SLC2A2: variants seen among roughly 807,000 people sequenced by gnomAD.
SLC2A2 encodes the protein solute carrier family 2, facilitated glucose transporter member 2.
A neutral mutation model predicts 54.5 loss-of-function variants in SLC2A2; 36 were observed. That is an observed-to-expected ratio of 0.66 (90% confidence interval 0.51 to 0.87). The LOEUF is 0.87. SLC2A2 is among the 40% of genes least tolerant of loss of function. The pLI, the probability that SLC2A2 is intolerant of heterozygous loss-of-function variation, is 0.00. For missense variants in SLC2A2, 543 were observed against 624.3 expected (o/e 0.87, Z 1.39); for synonymous variants, 223 against 219.1 (o/e 1.02, Z -0.16).
chr3:171,000,735 T>A (rs1472380967), intron 8 of SLC2A2, among the ~76,000 whole-genome samples: 2 of 152,072 alleles, frequency 1.3e-5, no homozygotes, highest in African/African-American at 4.8e-5. Flanking sequence ...GTTGGGAAAG[T>A]CTCTCTTCCC....
At chr3:171,017,297 C>T (rs1490250778) in intron 2 of SLC2A2, among the ~76,000 whole-genome samples, 4 of 152,138 alleles carry the variant, frequency 2.6e-5, no homozygotes, top group African/African-American at 9.7e-5. Context: ...GTTGTCATCA[C>T]CCACACAAAA....
intron 3 of SLC2A2, among the ~76,000 whole-genome samples, chr3:171,013,255 A>G (rs190171631): frequency 1.2e-3 from 182 of 152,266 alleles, no homozygotes; most frequent in African/African-American, 4.4e-3. Context: ...AGAATTCTCC[A>G]TTTACTACTT....
rs556023421 is a variant in SLC2A2, at chr3:170,998,052, A to G, written c.1426T>C (p.Phe476Leu). ...ACTTTAAAAAATGTGAACAGGGTAA[A>G]GGCCAGGAGCACTCCAGCAAAGAGG... ...FFLFAGVLLA[F>L]TLFTFFKVPE... The change falls in exon 11 of 11, where the codon TTT (phenylalanine) becomes CTT (leucine). Residue 476 changes from phenylalanine to leucine, a missense_variant. Physicochemically the swap from Phe to Leu is conservative, Grantham distance 22. Transcript: ENST00000314251. The G allele has an allele frequency of 6.2e-7, 1 of 1,613,678 alleles. No individual in the cohort carries two copies. Among genetic ancestry groups the G allele is most frequent in the South Asian group, 1.1e-5 (1 of 91,082 alleles).
At chr3:171,008,860 A>G (rs1324977324) in intron 4 of SLC2A2, among the ~76,000 whole-genome samples, 1 of 152,074 alleles carries the variant, frequency 6.6e-6, no homozygotes, top group Admixed American at 6.6e-5. Flanking sequence ...AGCTACACTG[A>G]TCTTCAGTTA....
intron 3 of SLC2A2, among the ~76,000 whole-genome samples, chr3:171,011,196 T>G (rs1186705858): frequency 6.6e-6 from 1 of 152,156 alleles, no homozygotes; most frequent in Admixed American, 6.6e-5. Flanking sequence ...GCCTACAGCA[T>G]AATCCCCAGA....
chr3:171,014,437 T>G (rs751803113), intron 3 of SLC2A2, 32 bp downstream of exon 3: 8 of 1,609,228 alleles, frequency 5.0e-6, no homozygotes, highest in Non-Finnish European at 6.8e-6. Flanking sequence ...TATGAAAGTT[T>G]CTGTTTATGC....
intron 8 of SLC2A2, 21 bp downstream of exon 8, chr3:171,002,551 GTATT>G (rs1715388092): frequency 7.7e-6 from 11 of 1,430,694 alleles, no homozygotes; most frequent in Non-Finnish European, 8.9e-6. Context: ...AACAAGCAGA[GTATT>G]TATCTAGGGC....
intron 1 of SLC2A2, 21 bp from the exon 2 acceptor site, chr3:171,018,644 G>A: frequency 6.4e-7 from 1 of 1,565,430 alleles, no homozygotes. Flanking sequence ...CGAGACACAG[G>A]GCAGGGAAAC....
At chr3:171,019,442 A>G (rs983593686) in intron 1 of SLC2A2, among the ~76,000 whole-genome samples, 1 of 151,630 alleles carries the variant, frequency 6.6e-6, no homozygotes, top group South Asian at 2.1e-4. Flanking sequence ...TTTCTCCCCA[A>G]CTCCCCAACT....
Position 171,014,722 on chromosome 3 carries a change from ATAT to A in SLC2A2, c.115_117del (p.Ile39del), listed in dbSNP as rs772999215. On this transcript the variant is annotated inframe_deletion, in exon 3 of 11. Transcript: ENST00000314251. ...ACACCCAAAACATGTCTATAGTGAG[ATAT>A]TATTACCTAGGAGATAAAGAAAAAT... is the stretch of plus-strand genomic sequence containing the variant. The A allele has an allele frequency of 1.4e-5, 22 of 1,612,532 alleles. No individual in the cohort carries two copies. The highest frequency in any genetic ancestry group is 1.7e-5 in the Admixed American group (1 of 60,004).
chr3:171,008,106 T>C (rs1490399917), intron 4 of SLC2A2, among the ~76,000 whole-genome samples: 1 of 152,120 alleles, frequency 6.6e-6, no homozygotes, highest in Non-Finnish European at 1.5e-5. Flanking sequence ...TGTTTGGCAT[T>C]TTCTTAACTA....
In SLC2A2 at chr3:171,007,166, C is replaced by G. The variant is rs5404; in HGVS notation, c.594G>C (p.Thr198=). The G allele has an allele frequency of 1.9e-6, 3 of 1,610,140 alleles. No individual in the cohort carries two copies. Among genetic ancestry groups the G allele is most frequent in the Non-Finnish European group, 2.5e-6 (3 of 1,177,106 alleles). Residue 198 remains threonine (T), a synonymous_variant, in exon 5 of 11, where the codon ACG becomes ACC. Coordinates refer to ENST00000314251, the MANE Select transcript of SLC2A2 (RefSeq NM_000340.2). ...TTTTTACCTGACTAATAAGAATGCC[C>G]GTGACGATGGCCAGCTGATGAAAAG... The part of the protein sequence containing the change: ...LGTFHQLAIV[T]GILISQIIGL...
At chr3:171,000,289 C>G (rs1376437554) in intron 8 of SLC2A2, among the ~76,000 whole-genome samples, 1 of 152,080 alleles carries the variant, frequency 6.6e-6, no homozygotes, top group Non-Finnish European at 1.5e-5. Flanking sequence ...TTAAATTTCT[C>G]TCTATATTTT....
At chr3:171,005,227 G>C (rs540081910) in intron 7 of SLC2A2, 58 bp downstream of exon 7, 1 of 1,421,754 alleles carries the variant, frequency 7.0e-7, no homozygotes, top group East Asian at 2.3e-5. Flanking sequence ...TGTACCCCTT[G>C]CCTTCCCTAT....
intron 4 of SLC2A2, chr3:171,007,464 T>C (rs1312591061): frequency 1.7e-6 from 1 of 577,902 alleles, no homozygotes; most frequent in Non-Finnish European, 3.1e-6. Context: ...GTTGGAAACA[T>C]GAATAGAAAG....
intron 3 of SLC2A2, among the ~76,000 whole-genome samples, 176 bp downstream of exon 3, chr3:171,014,293 C>T (rs981415166): frequency 2.6e-5 from 4 of 152,132 alleles, no homozygotes; most frequent in Non-Finnish European, 4.4e-5. Flanking sequence ...ACCAAACTGT[C>T]GCAACAGCTT....
At chr3:171,024,907 C>G (rs1716616440) in intron 1 of SLC2A2, among the ~76,000 whole-genome samples, 1 of 151,908 alleles carries the variant, frequency 6.6e-6, no homozygotes, top group Admixed American at 6.6e-5. Flanking sequence ...CCTTGGTTAT[C>G]AAGAAAAGAT....
chr3:170,998,113 A>G lies in SLC2A2; in HGVS notation c.1375-10T>C, dbSNP rs377386435. ...AAGGTCCACAGAAGTCCTGGATAGA[A>G]AGCAAACACAGACTTTGAGTTAGCA... On this transcript the variant is annotated splice_polypyrimidine_tract_variant and intron_variant, in intron 10 of 10. Coordinates refer to ENST00000314251, the MANE Select transcript of SLC2A2 (RefSeq NM_000340.2). 1 of 1,613,470 alleles carries G rather than the reference A, an allele frequency of 6.2e-7. No homozygotes were observed. Among genetic ancestry groups the G allele is most frequent in the African/African-American group, 1.3e-5 (1 of 74,910 alleles).
In SLC2A2 at chr3:171,010,080, A is replaced by G; in HGVS notation, c.374T>C (p.Ile125Thr). The G allele has an allele frequency of 6.2e-7, 1 of 1,612,612 alleles. No individual in the cohort carries two copies. Among genetic ancestry groups the G allele is most frequent in the East Asian group, 2.2e-5 (1 of 44,848 alleles). ...GGWLGDTLGR[I>T]KAMLVANILS... The stretch of plus-strand genomic sequence containing the variant: ...AATGTTTGCTACTAACATGGCTTTG[A>G]TTCTGAAATTTTAAAAAGCAAGGAA... The change falls in exon 4 of 11, where the codon ATC becomes ACC. Residue 125 changes from isoleucine (I) to threonine (T), a missense_variant and splice_region_variant. By Grantham distance (89) the Ile-to-Thr change is moderately conservative. This residue lies in a region of SLC2A2 where 318 missense variants were observed against 343.8 expected (regional missense o/e 0.93). Coordinates refer to ENST00000314251, the MANE Select transcript of SLC2A2 (RefSeq NM_000340.2).
Sources: allele counts gnomAD v4.1 joint callset (sites outside exome capture counted in the v4.1 genomes callset), GRCh38; gene constraint gnomAD v4.1.1; regional missense constraint gnomAD v4.1.1; transcripts MANE v1.5; gene names NCBI Gene and HGNC (gene_info 2026-07-23, HGNC 2026-07-21).